Variants in PIK3CG observed in about 807,000 individuals in gnomAD.
The protein encoded by PIK3CG is phosphatidylinositol 4,5-bisphosphate 3-kinase catalytic subunit gamma isoform.
PIK3CG carries 55 observed loss-of-function variants against 102.3 expected under a neutral mutation model. The observed-to-expected ratio is 0.54, with a 90% CI of 0.43 to 0.67. PIK3CG has a LOEUF of 0.67. Among genes scored for constraint, PIK3CG ranks in the 30% least tolerant of loss-of-function variants. The pLI is 0.00. For synonymous variants in PIK3CG, 552 were observed against 540.0 expected (o/e 1.02, Z -0.31); for missense variants, 1,258 against 1,391.8 (o/e 0.90, Z 1.53).
chr7:106,868,874 C>T lies in PIK3CG; in HGVS notation c.1313C>T (p.Ala438Val), dbSNP rs1271443737. 1 of 1,614,212 alleles carries T rather than the reference C, an allele frequency of 6.2e-7. No individual in the cohort carries two copies. The stretch of plus-strand genomic sequence containing the variant: ...AACCTCCAGATCTACTGCGGTAAAG[C>T]TCCAGCACTGTCCAGCAAGGCCTCT... The part of the protein sequence containing the change: ...LLNLQIYCGK[A>V]PALSSKASAE... Residue 438 changes from alanine to valine, a missense_variant, in exon 2 of 11, where the codon GCT becomes GTT. By Grantham distance (64) the Ala-to-Val change is moderately conservative (BLOSUM62 0). Transcript: ENST00000496166. This position sits in a 1 kb window ranked among gnomAD's most constrained non-coding sequence, Gnocchi z 6.2.
intron 10 of PIK3CG, among the ~76,000 whole-genome samples, chr7:106,896,330 G>A (rs1337023052): frequency 1.3e-5 from 2 of 152,136 alleles, no homozygotes; most frequent in African/African-American, 2.4e-5. Context: ...CACACAGTGG[G>A]CTCACACAGC....
In PIK3CG at chr7:106,895,736, T is replaced by C. The variant is rs1479629231; in HGVS notation, c.3031-9373T>C. On this transcript the variant is annotated intron_variant, in intron 10 of 10. Transcript: ENST00000496166. This position sits in a 1 kb window ranked among gnomAD's most constrained non-coding sequence, Gnocchi z 5.4. ...AGCTCCTCGTGGTATTGATTAGTAATCATAGCCAACTACTTATGTAGCACT... is the reference window on the plus strand; with the variant it reads ...AGCTCCTCGTGGTATTGATTAGTAACCATAGCCAACTACTTATGTAGCACT... 6.6e-6 allele frequency among the ~76,000 whole-genome samples: 1 copy of C among 152,230 alleles called. No individual in the cohort carries two copies. Among genetic ancestry groups the C allele is most frequent in the African/African-American group, 2.4e-5 (1 of 41,456 alleles).
At position 106,882,213 on chromosome 7, in the gene PIK3CG, T is replaced by C; in HGVS notation, c.2629+6T>C. 1 of 1,498,394 alleles carries C rather than the reference T, an allele frequency of 6.7e-7. No individual in the cohort carries two copies. The highest frequency in any genetic ancestry group is 1.4e-5 in the African/African-American group (1 of 71,388). The allele number at this position is 1,498,394 out of a possible 1,614,324, so 92.8% of individuals were successfully genotyped here. A position where few individuals can be genotyped will look rare whatever the true frequency, so the allele number is the denominator to read the frequency against. ...TTCAACTGGTGACAAAATAGGTATG[T>C]AGTTACCTCAGGAGATGAATAGACC... On this transcript the variant is annotated splice_donor_region_variant and intron_variant, in intron 7 of 10. Coordinates refer to ENST00000496166, the MANE Select transcript of PIK3CG (RefSeq NM_001282426.2).
chr7:106,883,183 C>T lies in PIK3CG; in HGVS notation c.2760+20C>T, dbSNP rs200932463. 8.5e-4 allele frequency: 1,372 copies of T among 1,613,544 alleles called. No homozygotes were observed. The highest frequency in any genetic ancestry group is 1.1e-3 in the Non-Finnish European group (1,266 of 1,179,652). On this transcript the variant is annotated intron_variant, in intron 8 of 10. Transcript: ENST00000496166. The surrounding 1 kb of genome is among the most constrained non-coding windows in gnomAD (Gnocchi z 5.8). ...GAAAAGGTGAGCTCATGCTTTTTCC[C>T]AGTCTAATGGCTCCTTACAAGTTGT...
rs141061563 is a variant in PIK3CG, at chr7:106,897,682, C to T, written c.3031-7427C>T. On this transcript the variant is annotated intron_variant, in intron 10 of 10. Coordinates refer to ENST00000496166, the MANE Select transcript of PIK3CG (RefSeq NM_001282426.2). This position sits in a 1 kb window ranked among gnomAD's most constrained non-coding sequence, Gnocchi z 4.6. ...TTGCTAAAGATAATAGCCCCCAGCT[C>T]CATCCATGTTCCCGCAAAAGACATG... Among the ~76,000 whole-genome samples the T allele has an allele frequency of 2.8e-3, 430 of 152,302 alleles. 4 individuals carry two copies. Among genetic ancestry groups the T allele is most frequent in the African/African-American group, 9.8e-3 (406 of 41,570 alleles).
chr7:106,868,675 G>A lies in PIK3CG; in HGVS notation c.1114G>A (p.Val372Ile), dbSNP rs1158677193. 2 of 1,614,208 alleles carry A rather than the reference G, an allele frequency of 1.2e-6. No individual in the cohort carries two copies. Among genetic ancestry groups the A allele is most frequent in the African/African-American group, 1.3e-5 (1 of 75,064 alleles). The change falls in exon 2 of 11, where the codon GTC (valine) becomes ATC (isoleucine). Residue 372 changes from valine to isoleucine, a missense_variant. This residue lies in a region of PIK3CG where 832 missense variants were observed against 787.5 expected (regional missense o/e 1.06). Coordinates refer to ENST00000496166, the MANE Select transcript of PIK3CG (RefSeq NM_001282426.2). This position sits in a 1 kb window ranked among gnomAD's most constrained non-coding sequence, Gnocchi z 6.2. ...RVKIRGIDIP[V>I]LPRNTDLTVF... ...CAAGATCAGAGGCATTGATATCCCC[G>A]TCCTGCCTCGGAACACCGACCTCAC...
chr7:106,882,755 G>C, intron 7 of PIK3CG: 1 of 293,544 alleles, frequency 3.4e-6, no homozygotes, highest in Non-Finnish European at 6.3e-6. Context: ...GATATGCTCA[G>C]CATATAAATG....
At position 106,890,151 on chromosome 7, in the gene PIK3CG, T is replaced by C. The variant is rs146729546; in HGVS notation, c.3030+3859T>C. 7.2e-4 allele frequency among the ~76,000 whole-genome samples: 110 copies of C among 152,364 alleles called. No individual in the cohort carries two copies. Among genetic ancestry groups the C allele is most frequent in the African/African-American group, 2.5e-3 (106 of 41,594 alleles). On this transcript the variant is annotated intron_variant, in intron 10 of 10. Coordinates refer to ENST00000496166, the MANE Select transcript of PIK3CG (RefSeq NM_001282426.2). The surrounding 1 kb of genome is among the most constrained non-coding windows in gnomAD (Gnocchi z 4.2). The stretch of plus-strand genomic sequence containing the variant: ...AAATGAAATTTGGCTTCTAAGTTTT[T>C]TAAATGTCAGAATGTGTTTTTTATT...
rs1242105433 is a variant in PIK3CG at position 106,902,704 on chromosome 7, A to T, written c.3031-2405A>T. Among the ~76,000 whole-genome samples the T allele has an allele frequency of 6.6e-6, 1 of 152,038 alleles. No individual in the cohort carries two copies. The highest frequency in any genetic ancestry group is 1.5e-5 in the Non-Finnish European group (1 of 68,002). Reference sequence around the variant, plus strand: ...TTTTGGCCTGTATTTCTGGCCAATTATCTCTTTCTTATTGATTTTTAAGAA... The same window carrying T: ...TTTTGGCCTGTATTTCTGGCCAATTTTCTCTTTCTTATTGATTTTTAAGAA... On this transcript the variant is annotated intron_variant, in intron 10 of 10. Coordinates refer to ENST00000496166, the MANE Select transcript of PIK3CG (RefSeq NM_001282426.2). The surrounding 1 kb of genome is among the most constrained non-coding windows in gnomAD (Gnocchi z 4.3).
Position 106,874,676 on chromosome 7 carries a change from C to G in PIK3CG, c.2288-24C>G, listed in dbSNP as rs775708624. 1.4e-6 allele frequency: 2 copies of G among 1,418,380 alleles called. No individual in the cohort carries two copies. The highest frequency in any genetic ancestry group is 1.2e-5 in the South Asian group (1 of 86,868). The allele number at this position is 1,418,380 out of a possible 1,614,324, so 87.9% of individuals were successfully genotyped here. A position where few individuals can be genotyped will look rare whatever the true frequency, so the allele number is the denominator to read the frequency against. Reference sequence around the variant, plus strand: ...GATGATTTCTGGAACTCACATAACTCTTGTGTACTTTTGACAATTACAGTT... The same window carrying G: ...GATGATTTCTGGAACTCACATAACTGTTGTGTACTTTTGACAATTACAGTT... On this transcript the variant is annotated intron_variant, in intron 4 of 10. Transcript: ENST00000496166. The surrounding 1 kb of genome is among the most constrained non-coding windows in gnomAD (Gnocchi z 4.3).
chr7:106,898,619 C>T (rs1294134301), intron 10 of PIK3CG, among the ~76,000 whole-genome samples: 1 of 152,196 alleles, frequency 6.6e-6, no homozygotes, highest in Admixed American at 6.5e-5. Context: ...ATCCCAGCAC[C>T]ATTTGTTAAA....
chr7:106,866,567 GCCTT>G (rs2116410069), intron 1 of PIK3CG, among the ~76,000 whole-genome samples: 1 of 152,280 alleles, frequency 6.6e-6, no homozygotes, highest in Non-Finnish European at 1.5e-5. Context: ...CAGAAATCCT[GCCTT>G]CCATCCTGTA....
At chr7:106,875,582 A>G (rs963616699) in intron 5 of PIK3CG, among the ~76,000 whole-genome samples, 12 of 152,194 alleles carry the variant, frequency 7.9e-5, no homozygotes, top group Non-Finnish European at 1.5e-4. Flanking sequence ...ATTAAGAGGA[A>G]TCATATAGTA....
At position 106,906,323 on chromosome 7, in the gene PIK3CG, G is replaced by A. The variant is rs1791683421; in HGVS notation, c.*936G>A. 4.6e-6 allele frequency: 1 copy of A among 215,600 alleles called. No homozygotes were observed. Among genetic ancestry groups the A allele is most frequent in the Non-Finnish European group, 9.3e-6 (1 of 107,534 alleles). 13.4% of individuals were successfully genotyped at this position (215,600 alleles called of 1,614,324 possible). ...TTCTCAAGGATTATTAGAATCTTAG[G>A]TACTTATTTGTAAAGATGTTTAGTG... On this transcript the variant is annotated 3_prime_UTR_variant, in exon 11 of 11. Transcript: ENST00000496166.
In PIK3CG at chr7:106,908,222, C is replaced by T. The variant is rs1263491091; in HGVS notation, c.*2835C>T. On this transcript the variant is annotated 3_prime_UTR_variant, in exon 11 of 11. Transcript: ENST00000496166. The surrounding 1 kb of genome is among the most constrained non-coding windows in gnomAD (Gnocchi z 4.1). ...AATTCGAGATGGCAACAGCAGTTGT[C>T]ACACCAAGCACAGTGCCCTTCTGAG... 3.9e-5 allele frequency among the ~76,000 whole-genome samples: 6 copies of T among 152,146 alleles called. No individual in the cohort carries two copies.
At chr7:106,876,205 C>T (rs573112150) in intron 5 of PIK3CG, among the ~76,000 whole-genome samples, 2 of 152,098 alleles carry the variant, frequency 1.3e-5, no homozygotes, top group South Asian at 2.1e-4. Flanking sequence ...TGAGCCACCG[C>T]GCCCGGCCTA....
At chr7:106,898,162 T>C (rs1791456389) in intron 10 of PIK3CG, among the ~76,000 whole-genome samples, 1 of 152,266 alleles carries the variant, frequency 6.6e-6, no homozygotes, top group South Asian at 2.1e-4. Flanking sequence ...ATATGCTTAT[T>C]GGCTGCATGT....
At position 106,879,439 on chromosome 7, in the gene PIK3CG, T is replaced by C. The variant is rs1790867273; in HGVS notation, c.2392-80T>C. ...TTTGTCCTTGTTGTTTATAGTGATGTTTTGCAAGAGAATTTGTGTCTCCAC... is the reference window on the plus strand; with the variant it reads ...TTTGTCCTTGTTGTTTATAGTGATGCTTTGCAAGAGAATTTGTGTCTCCAC... On this transcript the variant is annotated intron_variant, in intron 5 of 10. Coordinates refer to ENST00000496166, the MANE Select transcript of PIK3CG (RefSeq NM_001282426.2). The surrounding 1 kb of genome is among the most constrained non-coding windows in gnomAD (Gnocchi z 4.9). 4.4e-6 allele frequency: 5 copies of C among 1,140,350 alleles called. No individual in the cohort carries two copies. The highest frequency in any genetic ancestry group is 1.5e-5 in the African/African-American group (1 of 65,302). The allele number at this position is 1,140,350 out of a possible 1,614,324, so 70.6% of individuals were successfully genotyped here.
Position 106,891,718 on chromosome 7 carries a change from C to T in PIK3CG, c.3030+5426C>T, listed in dbSNP as rs1258754705. On this transcript the variant is annotated intron_variant, in intron 10 of 10. Coordinates refer to ENST00000496166, the MANE Select transcript of PIK3CG (RefSeq NM_001282426.2). The surrounding 1 kb of genome is among the most constrained non-coding windows in gnomAD (Gnocchi z 4.4). ...TCGTTTGAGGACTGTCTTTAAAAGG[C>T]ACTTGCCCCTAGATGTCACTCTTAA... 8.6e-5 allele frequency among the ~76,000 whole-genome samples: 13 copies of T among 152,016 alleles called. No homozygotes were observed. The highest frequency in any genetic ancestry group is 7.2e-4 in the Admixed American group (11 of 15,238).
Sources: allele counts gnomAD v4.1 joint callset (sites outside exome capture counted in the v4.1 genomes callset), GRCh38; gene constraint gnomAD v4.1.1; regional missense constraint gnomAD v4.1.1; non-coding constraint Gnocchi (gnomAD v3.1); transcripts MANE v1.5; gene names NCBI Gene and HGNC (gene_info 2026-07-23, HGNC 2026-07-21).